FAM171A1: variants seen among roughly 807,000 people sequenced by gnomAD.
FAM171A1 encodes protein FAM171A1.
A neutral mutation model predicts 74.9 loss-of-function variants in FAM171A1; 23 were observed. The observed-to-expected ratio is 0.31, with a 90% CI of 0.22 to 0.44. The LOEUF (loss-of-function observed/expected upper bound fraction) is 0.44, where lower values mean the gene tolerates loss of function less well. FAM171A1 is among the 20% of genes least tolerant of loss of function. The pLI, the probability that FAM171A1 is intolerant of heterozygous loss-of-function variation, is 1.00. For synonymous variants in FAM171A1, 527 were observed against 505.7 expected (o/e 1.04, Z -0.57); for missense variants, 1,162 against 1,159.2 (o/e 1.00, Z -0.03).
At position 15,214,070 on chromosome 10, in the gene FAM171A1, T is replaced by C. The variant is rs748630124; in HGVS notation, c.1518A>G (p.Pro506=). 2 of 1,614,252 alleles carry C rather than the reference T, an allele frequency of 1.2e-6. No homozygotes were observed. The highest frequency in any genetic ancestry group is 1.7e-6 in the Non-Finnish European group (2 of 1,180,048). The change falls in exon 8 of 8, where the codon CCA becomes CCG. Residue 506 remains proline, a synonymous_variant. Transcript: ENST00000378116. ...PLFEKQDREG[P]ASTGSKLTIQ... ...TGGTGAGTTTGCTTCCCGTGGAGGCTGGACCTTCTCTGTCCTGCTTTTCAA... is the reference window on the plus strand; with the variant it reads ...TGGTGAGTTTGCTTCCCGTGGAGGCCGGACCTTCTCTGTCCTGCTTTTCAA...
At chr10:15,368,634 A>G (rs984778714) in intron 1 of FAM171A1, among the ~76,000 whole-genome samples, 5 of 152,210 alleles carry the variant, frequency 3.3e-5, no homozygotes, top group East Asian at 1.9e-4. Flanking sequence ...GGTATTAGCT[A>G]TGGTTGATGC....
intron 1 of FAM171A1, among the ~76,000 whole-genome samples, chr10:15,356,505 T>C (rs117796759): frequency 0.026 from 3,969 of 152,220 alleles, 72 homozygotes; most frequent in Non-Finnish European, 0.035. Flanking sequence ...TTGTCGAAAC[T>C]GTTTACAGCA....
At chr10:15,348,818 A>T (rs1835846246) in intron 1 of FAM171A1, among the ~76,000 whole-genome samples, 1 of 152,224 alleles carries the variant, frequency 6.6e-6, no homozygotes, top group Non-Finnish European at 1.5e-5. Context: ...CATTCCAAAA[A>T]GCCATCGGGA....
intron 1 of FAM171A1, among the ~76,000 whole-genome samples, chr10:15,311,616 G>A (rs1330155929): frequency 6.6e-6 from 1 of 152,144 alleles, no homozygotes; most frequent in African/African-American, 2.4e-5. Context: ...GGCTTAGTAT[G>A]AAATGCAGTC....
intron 5 of FAM171A1, among the ~76,000 whole-genome samples, chr10:15,222,103 C>T (rs901001255): frequency 7.2e-5 from 11 of 152,108 alleles, no homozygotes; most frequent in Admixed American, 5.2e-4. Flanking sequence ...CTAGACAGCC[C>T]GCGCACCCAC....
chr10:15,339,388 C>T (rs957383435), intron 1 of FAM171A1, among the ~76,000 whole-genome samples: 1 of 152,194 alleles, frequency 6.6e-6, no homozygotes, highest in Admixed American at 6.5e-5. Context: ...CATTACAGCG[C>T]CTTAGCTCCT....
intron 1 of FAM171A1, among the ~76,000 whole-genome samples, chr10:15,335,282 CA>C (rs1203317237): frequency 6.6e-6 from 1 of 151,928 alleles, no homozygotes; most frequent in South Asian, 2.1e-4. Context: ...CAAACAAACC[CA>C]AAAAAATTCA....
At chr10:15,291,357 G>A (rs1369323284) in intron 1 of FAM171A1, among the ~76,000 whole-genome samples, 1 of 152,134 alleles carries the variant, frequency 6.6e-6, no homozygotes, top group East Asian at 1.9e-4. Context: ...AGCCACATGT[G>A]AGCATATACA....
intron 4 of FAM171A1, among the ~76,000 whole-genome samples, chr10:15,253,727 C>G (rs1229722587): frequency 6.6e-6 from 1 of 152,234 alleles, no homozygotes; most frequent in South Asian, 2.1e-4. Flanking sequence ...CAACTCAGAA[C>G]AGCCTTTGAT....
intron 2 of FAM171A1, among the ~76,000 whole-genome samples, chr10:15,283,211 T>G (rs1834992462): frequency 1.3e-5 from 2 of 152,154 alleles, no homozygotes. Flanking sequence ...TAGGAAAACG[T>G]GGTGTGGCCA....
At chr10:15,267,547 G>C (rs933535293) in intron 3 of FAM171A1, among the ~76,000 whole-genome samples, 1 of 124,988 alleles carries the variant, frequency 8.0e-6, no homozygotes. Flanking sequence ...AGGTTGCAAT[G>C]AGCCGAGATC....
intron 5 of FAM171A1, among the ~76,000 whole-genome samples, chr10:15,224,496 A>G (rs554246276): frequency 5.3e-5 from 8 of 152,130 alleles, no homozygotes; most frequent in South Asian, 2.1e-4. Flanking sequence ...GGGTTTGGCT[A>G]TGTCCCCACC....
At position 15,212,707 on chromosome 10, in the gene FAM171A1, GGGC is replaced by G. The variant is rs1474855947; in HGVS notation, c.*205_*207del. On this transcript the variant is annotated 3_prime_UTR_variant, in exon 8 of 8. Coordinates refer to ENST00000378116, the MANE Select transcript of FAM171A1 (RefSeq NM_001010924.2). ...ACCACTTTCAGCCACCTCCTTGCAGGGGCGACATCCGCCAAAGTCATCCTTTAT... is the reference window on the plus strand; with the variant it reads ...ACCACTTTCAGCCACCTCCTTGCAGGGACATCCGCCAAAGTCATCCTTTAT... 1.6e-4 allele frequency: 110 copies of G among 702,154 alleles called. 1 individual carries two copies. The highest frequency in any genetic ancestry group is 2.3e-4 in the Non-Finnish European group (100 of 439,898). 43.5% of individuals were successfully genotyped at this position (702,154 alleles called of 1,614,324 possible). A position where few individuals can be genotyped will look rare whatever the true frequency, so the allele number is the denominator to read the frequency against.
chr10:15,226,552 G>A (rs967039972), intron 5 of FAM171A1, among the ~76,000 whole-genome samples: 1 of 152,012 alleles, frequency 6.6e-6, no homozygotes, highest in African/African-American at 2.4e-5. Context: ...GAACCATCTG[G>A]GAGCTACTCT....
chr10:15,229,463 CCAT>C (rs139784113), intron 5 of FAM171A1, among the ~76,000 whole-genome samples: 30 of 149,490 alleles, frequency 2.0e-4, no homozygotes, highest in Non-Finnish European at 3.7e-4. Context: ...ATCATTGTCA[CCAT>C]CATCACCATT....
chr10:15,367,468 AGCG>A (rs1331608919), intron 1 of FAM171A1, among the ~76,000 whole-genome samples: 5 of 152,246 alleles, frequency 3.3e-5, no homozygotes, highest in Non-Finnish European at 7.3e-5. Context: ...AAGGAAGCCC[AGCG>A]GCCTCTGTGA....
chr10:15,278,348 T>G (rs1015206801), intron 2 of FAM171A1, among the ~76,000 whole-genome samples: 9 of 152,232 alleles, frequency 5.9e-5, no homozygotes, highest in African/African-American at 2.2e-4. Context: ...TGGGAGTTCC[T>G]CAAATATTAA....
In FAM171A1 at chr10:15,370,964, C is replaced by A; in HGVS notation, c.89G>T (p.Gly30Val). The A allele has an allele frequency of 8.5e-7, 1 of 1,175,780 alleles. No homozygotes were observed. Among genetic ancestry groups the A allele is most frequent in the Non-Finnish European group, 1.1e-6 (1 of 930,106 alleles). The allele number at this position is 1,175,780 out of a possible 1,614,324, so 72.8% of individuals were successfully genotyped here. ...VTKTLREPGA[G>V]AQEVTLKVHI... ...CGCCGCCGCCCACTGACCTTGGGCT[C>A]CGGCGCCGGGCTCCCGCAGCGTCTT... Residue 30 changes from glycine to valine, a missense_variant, in exon 1 of 8, where the codon GGA becomes GTA. Transcript: ENST00000378116.
chr10:15,354,729 A>C (rs994399149), intron 1 of FAM171A1, among the ~76,000 whole-genome samples: 1 of 152,190 alleles, frequency 6.6e-6, no homozygotes, highest in African/African-American at 2.4e-5. Flanking sequence ...TCCATTCTAC[A>C]ACAGGTACTG....
Sources: allele counts gnomAD v4.1 joint callset (sites outside exome capture counted in the v4.1 genomes callset), GRCh38; gene constraint gnomAD v4.1.1; transcripts MANE v1.5; gene names NCBI Gene and HGNC (gene_info 2026-07-23, HGNC 2026-07-21).